Variants in HCN1 observed in about 807,000 individuals in gnomAD.
HCN1 encodes potassium/sodium hyperpolarization-activated cyclic nucleotide-gated channel 1.
HCN1 carries 13 observed loss-of-function variants against 78.9 expected under a neutral mutation model. The observed-to-expected ratio is 0.16, with a 90% CI of 0.11 to 0.26. The LOEUF (loss-of-function observed/expected upper bound fraction) is 0.26, where lower values mean the gene tolerates loss of function less well. Ranked by LOEUF, HCN1 falls within the 10% of genes least tolerant of loss-of-function variation. The pLI is 1.00. For synonymous variants in HCN1, 552 were observed against 455.5 expected, an observed-to-expected ratio of 1.21 and a Z score of -2.70; for missense variants, 810 against 1,154.3, an observed-to-expected ratio of 0.70 and a Z score of 4.32.
intron 2 of HCN1, among the ~76,000 whole-genome samples, chr5:45,495,753 T>C (rs1742011806): frequency 6.6e-6 from 1 of 152,184 alleles, no homozygotes; most frequent in African/African-American, 2.4e-5. Flanking sequence ...TAGATAGCTC[T>C]TATTATTTTG....
At position 45,572,748 on chromosome 5, in the gene HCN1, G is replaced by A. The variant is rs534705471; in HGVS notation, c.849+72437C>T. Among the ~76,000 whole-genome samples, 11 of 152,244 alleles carry A rather than the reference G, an allele frequency of 7.2e-5. No individual in the cohort carries two copies. In the South Asian group the frequency reaches 1.0e-3, roughly 14 times the overall value. On this transcript the variant is annotated intron_variant, in intron 2 of 7. Transcript: ENST00000303230. ...ATTTGTTTAACAAAATTGTGAGCAC[G>A]TACTGGCACCAATTTAGCTATTGAG... is the stretch of plus-strand genomic sequence containing the variant.
intron 7 of HCN1, among the ~76,000 whole-genome samples, chr5:45,264,916 C>T (rs182616113): frequency 5.9e-5 from 9 of 152,174 alleles, no homozygotes; most frequent in East Asian, 1.9e-4. Context: ...GCAGGCTGGG[C>T]GCGGTGGCTC....
chr5:45,546,313 T>C (rs1743226678), intron 2 of HCN1, among the ~76,000 whole-genome samples: 1 of 151,924 alleles, frequency 6.6e-6, no homozygotes, highest in African/African-American at 2.4e-5. Context: ...TTATTTTATA[T>C]ATCACTTTTT....
chr5:45,572,726 T>C (rs2111905117), intron 2 of HCN1, among the ~76,000 whole-genome samples: 1 of 152,322 alleles, frequency 6.6e-6, no homozygotes, highest in African/African-American at 2.4e-5. Context: ...TTCATTAATT[T>C]GTTTAACAAA....
At chr5:45,660,719 A>G (rs1274104141) in intron 1 of HCN1, among the ~76,000 whole-genome samples, 1 of 134,128 alleles carries the variant, frequency 7.5e-6, no homozygotes, top group Non-Finnish European at 1.6e-5. Flanking sequence ...GCCATTACAT[A>G]ATGGTAAAGG....
chr5:45,476,938 AAAT>A (rs1741530277), intron 2 of HCN1, among the ~76,000 whole-genome samples: 2 of 150,786 alleles, frequency 1.3e-5, no homozygotes, highest in Admixed American at 1.3e-4. Context: ...GTGGAATTAA[AAAT>A]AATAATTTAA....
At chr5:45,273,285 A>T (rs1463055991) in intron 6 of HCN1, among the ~76,000 whole-genome samples, 1 of 152,118 alleles carries the variant, frequency 6.6e-6, no homozygotes, top group Non-Finnish European at 1.5e-5. Context: ...AGTGTCAGAA[A>T]GAGTGTGGCC....
At chr5:45,659,585 TA>T (rs1745874425) in intron 1 of HCN1, among the ~76,000 whole-genome samples, 2 of 146,386 alleles carry the variant, frequency 1.4e-5, no homozygotes, top group Admixed American at 1.4e-4. Flanking sequence ...AAAACTAGAA[TA>T]ACCAATACAG....
intron 2 of HCN1, among the ~76,000 whole-genome samples, chr5:45,613,648 TA>T (rs1355315361): frequency 6.6e-6 from 1 of 152,042 alleles, no homozygotes; most frequent in Non-Finnish European, 1.5e-5. Context: ...CATGCTGCTA[TA>T]AAGACACATG....
At chr5:45,280,380 T>C (rs904818119) in intron 6 of HCN1, among the ~76,000 whole-genome samples, 5 of 152,214 alleles carry the variant, frequency 3.3e-5, no homozygotes, top group African/African-American at 9.6e-5. Flanking sequence ...ATTTGACTAA[T>C]ATTAACTTCT....
chr5:45,609,290 G>T (rs896620177), intron 2 of HCN1, among the ~76,000 whole-genome samples: 1 of 152,034 alleles, frequency 6.6e-6, no homozygotes, highest in African/African-American at 2.4e-5. Flanking sequence ...GCACAACAAC[G>T]ACAGCAAAAT....
intron 5 of HCN1, among the ~76,000 whole-genome samples, chr5:45,340,172 C>A (rs1746546532): frequency 6.6e-6 from 1 of 152,164 alleles, no homozygotes; most frequent in Non-Finnish European, 1.5e-5. Context: ...CCACCTGCAT[C>A]AACCTCCCAA....
At chr5:45,293,180 T>A (rs1462210248) in intron 6 of HCN1, among the ~76,000 whole-genome samples, 1 of 152,016 alleles carries the variant, frequency 6.6e-6, no homozygotes, top group Non-Finnish European at 1.5e-5. Context: ...AACACTGTCT[T>A]CCACAGTGAT....
At chr5:45,675,496 C>T (rs555842614) in intron 1 of HCN1, among the ~76,000 whole-genome samples, 1 of 151,810 alleles carries the variant, frequency 6.6e-6, no homozygotes, top group Non-Finnish European at 1.5e-5. Flanking sequence ...TCTATACACA[C>T]AGGCATGCTG....
At chr5:45,414,062 A>G (rs1258502118) in intron 3 of HCN1, among the ~76,000 whole-genome samples, 1 of 152,000 alleles carries the variant, frequency 6.6e-6, no homozygotes, top group Non-Finnish European at 1.5e-5. Context: ...AGACCATGGG[A>G]AAAAGAACAA....
At chr5:45,531,424 G>C (rs1234526599) in intron 2 of HCN1, among the ~76,000 whole-genome samples, 1 of 152,120 alleles carries the variant, frequency 6.6e-6, no homozygotes, top group African/African-American at 2.4e-5. Flanking sequence ...CCATTATTGA[G>C]TCTTTGTAAT....
At chr5:45,384,129 A>G (rs1268787399) in intron 4 of HCN1, among the ~76,000 whole-genome samples, 1 of 152,164 alleles carries the variant, frequency 6.6e-6, no homozygotes, top group Non-Finnish European at 1.5e-5. Context: ...GGGAATTCTA[A>G]TGATCAAAGC....
chr5:45,649,351 C>T (rs187625126), intron 1 of HCN1, among the ~76,000 whole-genome samples: 12 of 151,792 alleles, frequency 7.9e-5, no homozygotes, highest in Admixed American at 7.9e-4. Flanking sequence ...ATATATAGTC[C>T]CTCCCCATTA....
chr5:45,472,035 T>A (rs1244110006), intron 2 of HCN1, among the ~76,000 whole-genome samples: 1 of 151,928 alleles, frequency 6.6e-6, no homozygotes, highest in Non-Finnish European at 1.5e-5. Context: ...AAGCCCATAT[T>A]CTTGGCCTGG....
Sources: allele counts gnomAD v4.1 joint callset (sites outside exome capture counted in the v4.1 genomes callset), GRCh38; gene constraint gnomAD v4.1.1; transcripts MANE v1.5; gene names NCBI Gene and HGNC (gene_info 2026-07-23, HGNC 2026-07-21).